Variants in ST18 observed in about 807,000 individuals in gnomAD.
ST18 encodes ST18 C2H2C-type zinc finger transcription factor, also known as suppression of tumorigenicity 18 protein.
Under a neutral mutation model 110.0 loss-of-function variants are expected in ST18, and 50 were observed. That is an observed-to-expected ratio of 0.45 (90% CI 0.36 to 0.58). The LOEUF (loss-of-function observed/expected upper bound fraction) is 0.58. Ranked by LOEUF, ST18 falls within the 20% of genes least tolerant of loss-of-function variation. The probability of loss-of-function intolerance (pLI) is 0.00; values close to 1 mark genes in which losing one functional copy is unlikely to be tolerated. For missense variants in ST18, 1,306 were observed against 1,280.1 expected, an observed-to-expected ratio of 1.02 and a Z score of -0.31; for synonymous variants, 461 against 452.4, an observed-to-expected ratio of 1.02 and a Z score of -0.24.
intron 8 of ST18, among the ~76,000 whole-genome samples, chr8:52,182,105 A>C (rs1037685595): frequency 2.6e-5 from 4 of 152,198 alleles, no homozygotes; most frequent in African/African-American, 9.6e-5. Context: ...TTTGTAGCAA[A>C]TGGGAGAGGC....
Position 52,116,365 on chromosome 8 carries a change from T to G in ST18, c.2913A>C (p.Ile971=). The stretch of plus-strand genomic sequence containing the variant: ...TCAGCAGACTTTCATTGTTCTGTTC[T>G]ATGAGTTTGTTCTCCTCCTCTATCG... ...LKTIEEENKL[I]EQNNESLLKE... is the part of the protein sequence containing the mutation. The change falls in exon 25 of 26, where the codon ATA becomes ATC. Residue 971 remains isoleucine (I), a synonymous_variant. Transcript: ENST00000689386. 1 of 1,614,052 alleles carries G rather than the reference T, an allele frequency of 6.2e-7. No individual in the cohort carries two copies. The highest frequency in any genetic ancestry group is 8.5e-7 in the Non-Finnish European group (1 of 1,179,946).
intron 9 of ST18, among the ~76,000 whole-genome samples, chr8:52,177,200 C>T (rs2067261829): frequency 6.6e-6 from 1 of 152,170 alleles, no homozygotes; most frequent in Non-Finnish European, 1.5e-5. Flanking sequence ...TTTGCAAGCT[C>T]GTCTCCTCAG....
At chr8:52,213,283 C>G (rs1329982242) in intron 7 of ST18, among the ~76,000 whole-genome samples, 2 of 152,118 alleles carry the variant, frequency 1.3e-5, no homozygotes, top group Admixed American at 1.3e-4. Flanking sequence ...TGTTGGGATT[C>G]TGGACTTTGC....
chr8:52,150,104 T>C (rs2058431687), intron 15 of ST18, 127 bp from the exon 16 acceptor site: 6 of 1,320,812 alleles, frequency 4.5e-6, no homozygotes, highest in South Asian at 3.0e-5. Flanking sequence ...TAAATCTAGC[T>C]TTCTGATTTG....
chr8:52,171,086 C>G (rs2064791940), intron 10 of ST18, among the ~76,000 whole-genome samples: 1 of 152,142 alleles, frequency 6.6e-6, no homozygotes, highest in Non-Finnish European at 1.5e-5. Context: ...AAATACTCAT[C>G]TTAAACAAGC....
intron 4 of ST18, among the ~76,000 whole-genome samples, 169 bp from the exon 5 acceptor site, chr8:52,221,017 G>A (rs1007469505): frequency 8.6e-5 from 13 of 151,942 alleles, no homozygotes; most frequent in African/African-American, 2.9e-4. Flanking sequence ...GTATCAATGG[G>A]GAAAAATAGT....
intron 2 of ST18, among the ~76,000 whole-genome samples, chr8:52,347,738 G>A (rs943814646): frequency 3.3e-5 from 5 of 152,176 alleles, no homozygotes; most frequent in Non-Finnish European, 5.9e-5. Context: ...AAATGAAGAA[G>A]CTGAGGCACA....
At position 52,133,299 on chromosome 8, in the gene ST18, C is replaced by T. The variant is rs776559958; in HGVS notation, c.2303G>A (p.Cys768Tyr). 1.2e-6 allele frequency: 2 copies of T among 1,614,108 alleles called. No homozygotes were observed. Among genetic ancestry groups the T allele is most frequent in the Non-Finnish European group, 1.7e-6 (2 of 1,180,032 alleles). The stretch of plus-strand genomic sequence containing the variant: ...CGAGCCATCGCAGCCTGGGGTTGGA[C>T]ACCTGGAAGGCACAGGAAGAGAGCA... ...LMAANSQELK[C>Y]PTPGCDGSGH... is the part of the protein sequence containing the mutation. The change falls in exon 20 of 26, where the codon TGT (cysteine) becomes TAT (tyrosine). Residue 768 changes from cysteine to tyrosine, a missense_variant and splice_region_variant. By Grantham distance (194) the Cys-to-Tyr change is radical. Transcript: ENST00000689386.
chr8:52,307,538 A>C (rs2095834658), intron 2 of ST18, among the ~76,000 whole-genome samples: 1 of 152,218 alleles, frequency 6.6e-6, no homozygotes, highest in South Asian at 2.1e-4. Context: ...CCCACTGCAT[A>C]ACTTTAAATG....
chr8:52,138,093 C>CAAAAA (rs35928892), intron 17 of ST18, among the ~76,000 whole-genome samples: 7 of 59,268 alleles, frequency 1.2e-4, no homozygotes, highest in African/African-American at 2.0e-4. Flanking sequence ...AACTCTGTCT[C>CAAAAA]AAAAAAAAAA....
intron 10 of ST18, 105 bp from the exon 11 acceptor site, chr8:52,167,091 C>T (rs959967325): frequency 2.2e-5 from 31 of 1,417,250 alleles, no homozygotes; most frequent in East Asian, 4.8e-5. Context: ...TCAGTTTTAC[C>T]GTTATAAACA....
chr8:52,207,817 A>G (rs1470155768), intron 8 of ST18, among the ~76,000 whole-genome samples: 2 of 152,234 alleles, frequency 1.3e-5, no homozygotes, highest in Non-Finnish European at 2.9e-5. Context: ...TTTCCTAATT[A>G]GAGGAAGGGG....
intron 8 of ST18, among the ~76,000 whole-genome samples, chr8:52,197,354 C>T (rs1014443685): frequency 6.6e-6 from 1 of 152,178 alleles, no homozygotes; most frequent in African/African-American, 2.4e-5. Context: ...CCATCAAATA[C>T]TAAGTTCCTA....
At chr8:52,385,211 C>T (rs1045368319) in intron 2 of ST18, among the ~76,000 whole-genome samples, 25 of 152,244 alleles carry the variant, frequency 1.6e-4, no homozygotes, top group African/African-American at 5.3e-4. Context: ...CTGGTTCCCT[C>T]GGAAACTCTT....
At chr8:52,375,119 A>C (rs1244813188) in intron 2 of ST18, among the ~76,000 whole-genome samples, 3 of 145,586 alleles carry the variant, frequency 2.1e-5, no homozygotes, top group African/African-American at 2.5e-5. Context: ...CTCTCTCTTT[A>C]TCTCTCTCTC....
At chr8:52,326,930 A>G (rs1806710882) in intron 2 of ST18, among the ~76,000 whole-genome samples, 1 of 152,122 alleles carries the variant, frequency 6.6e-6, no homozygotes, top group Admixed American at 6.5e-5. Flanking sequence ...GCCCAGGCCA[A>G]CTCCAAGCAG....
chr8:52,326,255 G>A (rs1359924623), intron 2 of ST18, among the ~76,000 whole-genome samples: 1 of 152,130 alleles, frequency 6.6e-6, no homozygotes, highest in Non-Finnish European at 1.5e-5. Context: ...AGTGGGATTT[G>A]GCCTGCAGCA....
chr8:52,296,796 T>C (rs2095643361), intron 2 of ST18, among the ~76,000 whole-genome samples: 1 of 152,190 alleles, frequency 6.6e-6, no homozygotes, highest in South Asian at 2.1e-4. Context: ...TCACAGTGCC[T>C]GGTGCTACAG....
rs1402003333 is a variant in ST18, at chr8:52,172,453, A to G, written c.408T>C (p.Phe136=). The change falls in exon 10 of 26, where the codon TTT becomes TTC. Residue 136 remains phenylalanine (F), a synonymous_variant. Coordinates refer to ENST00000689386, the MANE Select transcript of ST18 (RefSeq NM_001352837.2). The part of the protein sequence containing the change: ...MVKSLMHLGK[F]EKNVSVQTVS... ...CAGTCTGAACAGATACATTTTTTTC[A>G]AATTTCCCCAAGTGCATTAAAGACT... 1.2e-6 allele frequency: 2 copies of G among 1,613,648 alleles called. No homozygotes were observed. Among genetic ancestry groups the G allele is most frequent in the Non-Finnish European group, 1.7e-6 (2 of 1,179,978 alleles).
Sources: allele counts gnomAD v4.1 joint callset (sites outside exome capture counted in the v4.1 genomes callset), GRCh38; gene constraint gnomAD v4.1.1; transcripts MANE v1.5; gene names NCBI Gene and HGNC (gene_info 2026-07-23, HGNC 2026-07-21).